CFAP77: variants seen among roughly 807,000 people sequenced by gnomAD.
CFAP77 encodes the protein cilia- and flagella-associated protein 77.
Under a neutral mutation model 31.1 loss-of-function variants are expected in CFAP77, and 25 were observed. That is an observed-to-expected ratio of 0.80 (90% CI 0.59 to 1.12). The LOEUF is 1.12. CFAP77 is among the 50% of genes most tolerant of loss of function. CFAP77 has a pLI of 0.00. For synonymous variants in CFAP77, 151 were observed against 159.9 expected (o/e 0.94, Z 0.42); for missense variants, 377 against 397.3 (o/e 0.95, Z 0.44).
intron 5 of CFAP77, among the ~76,000 whole-genome samples, chr9:132,550,763 C>T (rs9942906): frequency 0.045 from 6,785 of 152,120 alleles, 518 homozygotes; most frequent in African/African-American, 0.15. Context: ...ACTTGTCAGC[C>T]TCCATCCCCT....
intron 1 of CFAP77, among the ~76,000 whole-genome samples, chr9:132,427,285 C>T (rs1196000873): frequency 6.6e-6 from 1 of 152,158 alleles, no homozygotes; most frequent in South Asian, 2.1e-4. Context: ...CTTCTCAGCA[C>T]CAACGCTCTG....
intron 3 of CFAP77, among the ~76,000 whole-genome samples, chr9:132,515,961 C>T (rs1852140000): frequency 6.6e-6 from 1 of 152,100 alleles, no homozygotes; most frequent in Non-Finnish European, 1.5e-5. Flanking sequence ...GTTTAATTGG[C>T]GTAGAACCAG....
chr9:132,558,029 C>T (rs192119245), intron 5 of CFAP77, among the ~76,000 whole-genome samples: 26 of 152,310 alleles, frequency 1.7e-4, no homozygotes, highest in African/African-American at 6.0e-4. Flanking sequence ...GTACTTTTTT[C>T]ACCTGCCTAG....
At chr9:132,488,667 A>G (rs990848866) in intron 1 of CFAP77, among the ~76,000 whole-genome samples, 3 of 152,100 alleles carry the variant, frequency 2.0e-5, no homozygotes, top group African/African-American at 7.2e-5. Context: ...TGCTACCTGC[A>G]CCTGCCTCTA....
chr9:132,422,541 G>A (rs539676531), intron 1 of CFAP77, among the ~76,000 whole-genome samples: 2 of 152,330 alleles, frequency 1.3e-5, no homozygotes, highest in African/African-American at 2.4e-5. Flanking sequence ...GCAATGGGAC[G>A]AGACTGTTCC....
chr9:132,421,572 G>C (rs911214995), intron 1 of CFAP77: 5 of 148,430 alleles, frequency 3.4e-5, no homozygotes, highest in African/African-American at 1.2e-4. Context: ...GTTCAGCGGG[G>C]CTGGAGTTTG....
intron 1 of CFAP77, among the ~76,000 whole-genome samples, chr9:132,462,110 C>T (rs1490296857): frequency 6.6e-6 from 1 of 152,158 alleles, no homozygotes; most frequent in African/African-American, 2.4e-5. Flanking sequence ...CAGCTGGTCC[C>T]CCAATTCCCA....
At chr9:132,461,286 G>A (rs1483473088) in intron 1 of CFAP77, among the ~76,000 whole-genome samples, 2 of 152,224 alleles carry the variant, frequency 1.3e-5, no homozygotes, top group Non-Finnish European at 2.9e-5. Flanking sequence ...CAAAACCCAC[G>A]CATTGGACGA....
chr9:132,464,707 G>A (rs1022354122), intron 1 of CFAP77, among the ~76,000 whole-genome samples: 3 of 152,072 alleles, frequency 2.0e-5, no homozygotes, highest in Admixed American at 1.3e-4. Flanking sequence ...CCAGCCTGCC[G>A]TGTTTCAAGT....
chr9:132,467,337 A>T (rs910824233), intron 1 of CFAP77, among the ~76,000 whole-genome samples: 1 of 152,160 alleles, frequency 6.6e-6, no homozygotes, highest in Non-Finnish European at 1.5e-5. Context: ...CCCATTAAAC[A>T]ACATCTCCCC....
Position 132,572,782 on chromosome 9 carries a change from T to G in CFAP77, c.*272T>G, listed in dbSNP as rs1829977988. On this transcript the variant is annotated 3_prime_UTR_variant, in exon 6 of 6. Transcript: ENST00000393216. ...CCTAGGGCAGGCTCACCCTGCCTCT[T>G]CTCAAGCCCTCACCTGCCAAGACAA... 2.1e-6 allele frequency: 1 copy of G among 465,462 alleles called. No individual in the cohort carries two copies. Among genetic ancestry groups the G allele is most frequent in the South Asian group, 3.7e-5 (1 of 26,796 alleles). The allele number at this position is 465,462 out of a possible 1,614,324, so 28.8% of individuals were successfully genotyped here. A position where few individuals can be genotyped will look rare whatever the true frequency, so the allele number is the denominator to read the frequency against.
chr9:132,428,712 A>C (rs1336720190), intron 1 of CFAP77, among the ~76,000 whole-genome samples: 8 of 152,182 alleles, frequency 5.3e-5, no homozygotes. Context: ...GGGGAGGCGC[A>C]GAGGTAGGGG....
intron 1 of CFAP77, among the ~76,000 whole-genome samples, chr9:132,454,694 T>C (rs1850883937): frequency 6.6e-6 from 1 of 152,222 alleles, no homozygotes; most frequent in South Asian, 2.1e-4. Context: ...TAAGCACTCC[T>C]AATTATGCAA....
At position 132,455,045 on chromosome 9, in the gene CFAP77, G is replaced by T. The variant is rs140070796; in HGVS notation, c.196-43650G>T. ...GAAAGAAAAGGCAATAAATTAGCCT[G>T]CACAAAGAACTCCAGTCCATGGGAA... On this transcript the variant is annotated intron_variant, in intron 1 of 5. Transcript: ENST00000393216. This position sits in a 1 kb window ranked among gnomAD's most constrained non-coding sequence, Gnocchi z 4.1. Among the ~76,000 whole-genome samples, 71 of 152,334 alleles carry T rather than the reference G, an allele frequency of 4.7e-4. No individual in the cohort carries two copies. The highest frequency in any genetic ancestry group is 1.6e-3 in the African/African-American group (65 of 41,588).
chr9:132,498,875 C>G lies in CFAP77; in HGVS notation c.295+81C>G. 1 of 998,162 alleles carries G rather than the reference C, an allele frequency of 1.0e-6. No homozygotes were observed. Among genetic ancestry groups the G allele is most frequent in the Admixed American group, 2.2e-5 (1 of 44,594 alleles). 61.8% of individuals were successfully genotyped at this position (998,162 alleles called of 1,614,324 possible). On this transcript the variant is annotated intron_variant, in intron 2 of 5. Transcript: ENST00000393216. This position sits in a 1 kb window ranked among gnomAD's most constrained non-coding sequence, Gnocchi z 4.2. ...TCTTCACAGACCCCTTGACCTAGCT[C>G]GCTGCTTGGCAGCTGGTTGGGTGCT...
At position 132,564,663 on chromosome 9, in the gene CFAP77, G is replaced by A. The variant is rs1265215921; in HGVS notation, c.733-7725G>A. ...TTGGAGAAAAAAAGAAAGATGAAAG[G>A]TAATTAGCTAAGCCAACGACTCTAG... On this transcript the variant is annotated intron_variant, in intron 5 of 5. Coordinates refer to ENST00000393216, the MANE Select transcript of CFAP77 (RefSeq NM_001282957.2). This position sits in a 1 kb window ranked among gnomAD's most constrained non-coding sequence, Gnocchi z 4.6. Among the ~76,000 whole-genome samples, 1 of 151,276 alleles carries A rather than the reference G, an allele frequency of 6.6e-6. No individual in the cohort carries two copies. Among genetic ancestry groups the A allele is most frequent in the Non-Finnish European group, 1.5e-5 (1 of 67,866 alleles).
rs1850039214 is a variant in CFAP77, at chr9:132,413,225, C to G, written c.195+2759C>G. On this transcript the variant is annotated intron_variant, in intron 1 of 5. Transcript: ENST00000393216. Reference sequence around the variant, plus strand: ...TGTTATTTCACATCCATAAAATTTACCAGGATGTATACACATCAGTTATTC... The same window carrying G: ...TGTTATTTCACATCCATAAAATTTAGCAGGATGTATACACATCAGTTATTC... Among the ~76,000 whole-genome samples, 7 of 152,020 alleles carry G rather than the reference C, an allele frequency of 4.6e-5. No homozygotes were observed. The South Asian group carries it at 1.5e-3, about 32-fold the overall frequency.
intron 1 of CFAP77, among the ~76,000 whole-genome samples, chr9:132,416,728 C>T (rs1850108082): frequency 1.3e-5 from 2 of 151,326 alleles, no homozygotes; most frequent in Admixed American, 6.6e-5. Flanking sequence ...GCCTTCGCCT[C>T]CTGGGTTCAA....
intron 1 of CFAP77, among the ~76,000 whole-genome samples, chr9:132,488,622 G>A (rs944062861): frequency 6.6e-5 from 10 of 152,238 alleles, no homozygotes; most frequent in African/African-American, 2.4e-4. Context: ...CTGGGTCCCA[G>A]GTAGCTTCGG....
Sources: gnomAD v4.1 joint callset for allele counts (sites outside exome capture counted in the v4.1 genomes callset) on GRCh38, gnomAD v4.1.1 for gene constraint, Gnocchi (gnomAD v3.1) non-coding constraint, MANE v1.5 for transcripts, NCBI Gene and HGNC (gene_info 2026-07-23, HGNC 2026-07-21) for gene names.